The following ARL15 variants were observed in gnomAD, a reference collection of about 807,000 sequenced individuals.
ARL15 encodes the protein ARF like GTPase 15.
A neutral mutation model predicts 25.2 loss-of-function variants in ARL15; 19 were observed. The ratio of observed to expected loss-of-function variants is 0.75; its 90% confidence interval spans 0.53 to 1.10. ARL15 has a LOEUF of 1.10. Ranked by LOEUF, ARL15 falls within the 50% of genes least tolerant of loss-of-function variation. The probability of loss-of-function intolerance (pLI) is 0.00; values close to 1 mark genes in which losing one functional copy is unlikely to be tolerated. For missense variants in ARL15, 220 were observed against 246.0 expected, an observed-to-expected ratio of 0.89 and a Z score of 0.71; for synonymous variants, 94 against 86.8, an observed-to-expected ratio of 1.08 and a Z score of -0.46.
chr5:54,288,384 A>C (rs1382517130), intron 1 of ARL15, among the ~76,000 whole-genome samples: 1 of 152,230 alleles, frequency 6.6e-6, no homozygotes, highest in Non-Finnish European at 1.5e-5. Flanking sequence ...GAGCTCTGGC[A>C]CTAATTTTGG....
chr5:54,236,264 T>C (rs749095007), intron 1 of ARL15, among the ~76,000 whole-genome samples: 2 of 152,182 alleles, frequency 1.3e-5, no homozygotes, highest in African/African-American at 2.4e-5. Flanking sequence ...GATACTGTCA[T>C]AGTTATGGAA....
At chr5:54,184,978 G>T (rs1399515554) in intron 1 of ARL15, among the ~76,000 whole-genome samples, 1 of 152,056 alleles carries the variant, frequency 6.6e-6, no homozygotes, top group Non-Finnish European at 1.5e-5. Flanking sequence ...GCTACCCACA[G>T]CTGTCAGGAT....
intron 4 of ARL15, among the ~76,000 whole-genome samples, chr5:53,916,967 C>A (rs1335905260): frequency 6.6e-6 from 1 of 152,196 alleles, no homozygotes; most frequent in African/African-American, 2.4e-5. Context: ...GAAATCACTA[C>A]AAAAGAAATA....
chr5:54,039,064 T>C (rs2111934111), intron 4 of ARL15, among the ~76,000 whole-genome samples: 1 of 152,322 alleles, frequency 6.6e-6, no homozygotes, highest in African/African-American at 2.4e-5. Context: ...ACTAGGTCTC[T>C]GCGATTCCAG....
At chr5:53,987,972 G>A (rs111563129) in intron 4 of ARL15, among the ~76,000 whole-genome samples, 40 of 152,064 alleles carry the variant, frequency 2.6e-4, no homozygotes, top group African/African-American at 8.4e-4. Flanking sequence ...GCATGGTGGC[G>A]TGCGCCTGTA....
At chr5:54,270,214 GGTTT>G (rs1250964212) in intron 1 of ARL15, among the ~76,000 whole-genome samples, 1 of 152,122 alleles carries the variant, frequency 6.6e-6, no homozygotes, top group African/African-American at 2.4e-5. Context: ...AACTGAAAAT[GGTTT>G]GTTATCTGGT....
At chr5:53,933,559 G>C (rs911887270) in intron 4 of ARL15, among the ~76,000 whole-genome samples, 1 of 149,740 alleles carries the variant, frequency 6.7e-6, no homozygotes, top group Non-Finnish European at 1.5e-5. Flanking sequence ...GCAGGAGAAT[G>C]GCGTGAACCT....
chr5:53,926,177 T>A (rs1746017086), intron 4 of ARL15, among the ~76,000 whole-genome samples: 1 of 151,886 alleles, frequency 6.6e-6, no homozygotes. Context: ...GTGACAGAAG[T>A]ACTAAGAGTC....
chr5:54,244,400 G>C (rs1275251797), intron 1 of ARL15, among the ~76,000 whole-genome samples: 1 of 152,108 alleles, frequency 6.6e-6, no homozygotes, highest in Non-Finnish European at 1.5e-5. Flanking sequence ...CACAGAAAGG[G>C]TCTTTATCTG....
At chr5:54,184,261 C>CAAAA (rs201681698) in intron 1 of ARL15, among the ~76,000 whole-genome samples, 1 of 117,054 alleles carries the variant, frequency 8.5e-6, no homozygotes, top group Non-Finnish European at 1.7e-5. Flanking sequence ...AAAAAAAAAT[C>CAAAA]AAAAAAAAAA....
At chr5:54,081,116 C>A (rs1273806933) in intron 4 of ARL15, among the ~76,000 whole-genome samples, 1 of 152,140 alleles carries the variant, frequency 6.6e-6, no homozygotes, top group Non-Finnish European at 1.5e-5. Flanking sequence ...AGGACTTCAA[C>A]ATATGAACTG....
At chr5:54,053,013 C>T (rs553239143) in intron 4 of ARL15, among the ~76,000 whole-genome samples, 16 of 152,104 alleles carry the variant, frequency 1.1e-4, no homozygotes, top group Non-Finnish European at 1.8e-4. Flanking sequence ...GTCAAAGGGA[C>T]GTAGGAGCTA....
At chr5:54,046,854 G>T (rs1363948846) in intron 4 of ARL15, among the ~76,000 whole-genome samples, 1 of 152,340 alleles carries the variant, frequency 6.6e-6, no homozygotes, top group Non-Finnish European at 1.5e-5. Context: ...GTTTGGTCAG[G>T]AAGGGAGTGG....
intron 1 of ARL15, among the ~76,000 whole-genome samples, chr5:54,230,857 ATT>A (rs2112554033): frequency 6.6e-6 from 1 of 152,260 alleles, no homozygotes; most frequent in Non-Finnish European, 1.5e-5. Flanking sequence ...TTTTAGTTTT[ATT>A]TTTGAGTATA....
intron 1 of ARL15, among the ~76,000 whole-genome samples, chr5:54,209,720 T>G (rs2112503793): frequency 6.6e-6 from 1 of 152,274 alleles, no homozygotes; most frequent in African/African-American, 2.4e-5. Flanking sequence ...CCTCAGGTCA[T>G]TTCTTTTACC....
chr5:53,981,414 G>C (rs998501059), intron 4 of ARL15, among the ~76,000 whole-genome samples: 1 of 152,186 alleles, frequency 6.6e-6, no homozygotes, highest in African/African-American at 2.4e-5. Context: ...GTGAGAAAGA[G>C]TGGAAACTCT....
At position 53,969,197 on chromosome 5, in the gene ARL15, G is replaced by A. The variant is rs193288614; in HGVS notation, c.463-82484C>T. 4.4e-3 allele frequency among the ~76,000 whole-genome samples: 676 copies of A among 152,178 alleles called. 7 individuals carry two copies. The highest frequency in any genetic ancestry group is 0.016 in the African/African-American group (650 of 41,526). ...CAACAAGAAGAAAAGGCACATACAT[G>A]CTAGTGTCTTTAGTAACTATATATT... On this transcript the variant is annotated intron_variant, in intron 4 of 4. Coordinates refer to ENST00000504924, the MANE Select transcript of ARL15 (RefSeq NM_019087.3).
At position 53,922,894 on chromosome 5, in the gene ARL15, T is replaced by C. The variant is rs28375741; in HGVS notation, c.463-36181A>G. Among the ~76,000 whole-genome samples the C allele has an allele frequency of 7.8e-3, 1,185 of 152,280 alleles. 20 individuals carry two copies. Among genetic ancestry groups the C allele is most frequent in the African/African-American group, 0.027 (1,133 of 41,560 alleles). On this transcript the variant is annotated intron_variant, in intron 4 of 4. Transcript: ENST00000504924. ...GGACTTTCACTTTCCTTTATGAGCA[T>C]TTCAAGTAGAGCAGCACTCCATAAA...
intron 4 of ARL15, among the ~76,000 whole-genome samples, chr5:54,108,697 T>G (rs1182789133): frequency 6.6e-6 from 1 of 152,034 alleles, no homozygotes; most frequent in African/African-American, 2.4e-5. Context: ...AACTATAGTT[T>G]ATTATCTAGA....
Sources: gnomAD v4.1 joint callset for allele counts (sites outside exome capture counted in the v4.1 genomes callset) on GRCh38, gnomAD v4.1.1 for gene constraint, MANE v1.5 for transcripts, NCBI Gene and HGNC (gene_info 2026-07-23, HGNC 2026-07-21) for gene names.